FMN2: variants seen among roughly 807,000 people sequenced by gnomAD.
The protein encoded by FMN2 is formin 2, also known as formin-2.
Under a neutral mutation model 142.3 loss-of-function variants are expected in FMN2, and 51 were observed. That is an observed-to-expected ratio of 0.36 (90% CI 0.29 to 0.45). The LOEUF is 0.45. Ranked by LOEUF, FMN2 falls within the 20% of genes least tolerant of loss-of-function variation. FMN2 has a pLI of 1.00. For missense variants in FMN2, 1,936 were observed against 2,122.8 expected, an observed-to-expected ratio of 0.91 and a Z score of 1.73; for synonymous variants, 882 against 869.8, an observed-to-expected ratio of 1.01 and a Z score of -0.25.
At chr1:240,470,323 A>T (rs1281995798) in intron 16 of FMN2, among the ~76,000 whole-genome samples, 1 of 152,194 alleles carries the variant, frequency 6.6e-6, no homozygotes, top group African/African-American at 2.4e-5. Context: ...TGTTATAAAG[A>T]AAATGTTTTT....
intron 14 of FMN2, among the ~76,000 whole-genome samples, chr1:240,392,114 G>A (rs1376940114): frequency 7.0e-6 from 1 of 142,924 alleles, no homozygotes; most frequent in Non-Finnish European, 1.5e-5. Context: ...TTCTGTTTAG[G>A]GTTTTTTTTT....
At chr1:240,347,062 C>T (rs2103035494) in intron 13 of FMN2, among the ~76,000 whole-genome samples, 1 of 152,204 alleles carries the variant, frequency 6.6e-6, no homozygotes, top group East Asian at 1.9e-4. Flanking sequence ...CTTAGAGAAA[C>T]ATAACCCATT....
At chr1:240,406,698 T>G (rs1044627331) in intron 15 of FMN2, among the ~76,000 whole-genome samples, 2 of 152,128 alleles carry the variant, frequency 1.3e-5, no homozygotes, top group Non-Finnish European at 2.9e-5. Context: ...TTCATGGGTG[T>G]TAATGCAAAT....
chr1:240,445,033 A>G (rs1207751635), intron 16 of FMN2, among the ~76,000 whole-genome samples: 2 of 152,212 alleles, frequency 1.3e-5, no homozygotes, highest in African/African-American at 2.4e-5. Flanking sequence ...TAGAAAAATG[A>G]CCCATAAAGA....
intron 6 of FMN2, among the ~76,000 whole-genome samples, chr1:240,212,654 A>G (rs1666737508): frequency 6.6e-6 from 1 of 152,244 alleles, no homozygotes. Flanking sequence ...GTAATGGAAA[A>G]TCATATTTTC....
intron 7 of FMN2, among the ~76,000 whole-genome samples, chr1:240,272,743 G>A (rs1254620882): frequency 1.3e-5 from 2 of 152,108 alleles, no homozygotes; most frequent in Non-Finnish European, 2.9e-5. Context: ...AAACATCAAA[G>A]TCATGTGATG....
intron 13 of FMN2, among the ~76,000 whole-genome samples, chr1:240,335,053 A>T (rs1558439567): frequency 6.6e-6 from 1 of 152,250 alleles, no homozygotes; most frequent in Non-Finnish European, 1.5e-5. Flanking sequence ...ATCCAAAGAT[A>T]CTGATCTGTA....
chr1:240,355,930 T>TA (rs753642740), intron 14 of FMN2, 22 bp downstream of exon 14: 3 of 1,056,010 alleles, frequency 2.8e-6, no homozygotes, highest in Non-Finnish European at 1.4e-6. Context: ...AGAGATGTGT[T>TA]ATGTTTTTCT....
chr1:240,301,189 A>T (rs1231577261), intron 8 of FMN2, among the ~76,000 whole-genome samples: 5 of 143,372 alleles, frequency 3.5e-5, no homozygotes, highest in Non-Finnish European at 3.1e-5. Flanking sequence ...TTTTAGCTTC[A>T]CCTCTTTGTG....
At chr1:240,285,775 C>G (rs1432588820) in intron 7 of FMN2, among the ~76,000 whole-genome samples, 1 of 152,158 alleles carries the variant, frequency 6.6e-6, no homozygotes, top group African/African-American at 2.4e-5. Context: ...ACTGGTGACT[C>G]AGTAATCAGA....
At chr1:240,306,691 A>G (rs1178031691) in intron 8 of FMN2, among the ~76,000 whole-genome samples, 1 of 152,186 alleles carries the variant, frequency 6.6e-6, no homozygotes, top group Non-Finnish European at 1.5e-5. Flanking sequence ...GCTATTGCAA[A>G]TAGTGCTGTG....
At chr1:240,364,023 C>A (rs931817299) in intron 14 of FMN2, among the ~76,000 whole-genome samples, 8 of 152,160 alleles carry the variant, frequency 5.3e-5, no homozygotes, top group African/African-American at 1.7e-4. Context: ...AATTATTAAA[C>A]CTTAATGCTA....
At chr1:240,441,049 C>T (rs148046906) in intron 16 of FMN2, among the ~76,000 whole-genome samples, 7,011 of 143,902 alleles carry the variant, frequency 0.049, 190 homozygotes, top group Middle Eastern at 0.098. Context: ...CACTGGAGTG[C>T]GGTGGCGCGA....
chr1:240,215,353 G>A (rs1666855832), intron 6 of FMN2, among the ~76,000 whole-genome samples: 1 of 152,108 alleles, frequency 6.6e-6, no homozygotes, highest in African/African-American at 2.4e-5. Flanking sequence ...TGTGAGACAG[G>A]CACCGTTAGC....
intron 2 of FMN2, among the ~76,000 whole-genome samples, chr1:240,137,190 T>C (rs1420356896): frequency 6.6e-6 from 1 of 152,102 alleles, no homozygotes; most frequent in Admixed American, 6.5e-5. Flanking sequence ...TTTTTGTTTT[T>C]TTTTAGGTCC....
chr1:240,408,346 T>G (rs1558476124), intron 15 of FMN2, among the ~76,000 whole-genome samples: 1 of 152,024 alleles, frequency 6.6e-6, no homozygotes, highest in African/African-American at 2.4e-5. Flanking sequence ...AGTCTAAGAC[T>G]CTACCAGAAA....
At chr1:240,355,791 TA>T in intron 13 of FMN2, 24 bp from the exon 14 acceptor site, 1 of 1,558,518 alleles carries the variant, frequency 6.4e-7, no homozygotes, top group Non-Finnish European at 8.8e-7. Context: ...TGTGACACTC[TA>T]AATAATGTTC....
chr1:240,359,282 G>A (rs1169868957), intron 14 of FMN2, among the ~76,000 whole-genome samples: 1 of 152,002 alleles, frequency 6.6e-6, no homozygotes, highest in African/African-American at 2.4e-5. Flanking sequence ...CTTATAATTA[G>A]GCTTTCATCA....
chr1:240,358,889 C>A (rs987217811), intron 14 of FMN2, among the ~76,000 whole-genome samples: 1 of 152,104 alleles, frequency 6.6e-6, no homozygotes, highest in Non-Finnish European at 1.5e-5. Context: ...ATAATCCCGG[C>A]ACTTTGGGAG....
Sources: allele counts gnomAD v4.1 joint callset (sites outside exome capture counted in the v4.1 genomes callset), GRCh38; gene constraint gnomAD v4.1.1; transcripts MANE v1.5; gene names NCBI Gene and HGNC (gene_info 2026-07-23, HGNC 2026-07-21).